Variants in TXNRD1 observed in about 807,000 individuals in gnomAD.
TXNRD1 encodes thioredoxin reductase 1.
TXNRD1 carries 57 observed loss-of-function variants against 80.3 expected under a neutral mutation model. The ratio of observed to expected loss-of-function variants is 0.71; its 90% CI spans 0.57 to 0.89. The LOEUF is 0.89. Ranked by LOEUF, TXNRD1 falls within the 40% of genes least tolerant of loss-of-function variation. TXNRD1 has a pLI of 0.00. For synonymous variants in TXNRD1, 291 were observed against 285.2 expected (o/e 1.02, Z -0.20); for missense variants, 730 against 803.0 (o/e 0.91, Z 1.10).
intron 2 of TXNRD1, among the ~76,000 whole-genome samples, chr12:104,252,662 T>TTA (rs869105935): frequency 0.011 from 496 of 45,766 alleles, 3 homozygotes; most frequent in Non-Finnish European, 0.014. Context: ...TTATTATTTT[T>TTA]TATATATATA....
chr12:104,309,058 C>T lies in TXNRD1; in HGVS notation c.415-2232C>T, dbSNP rs10861189. Among the ~76,000 whole-genome samples, 1,374 of 152,022 alleles carry T rather than the reference C, an allele frequency of 9.0e-3. 22 individuals carry two copies. Among genetic ancestry groups the T allele is most frequent in the African/African-American group, 0.031 (1,294 of 41,446 alleles). On this transcript the variant is annotated intron_variant, in intron 4 of 16. Coordinates refer to ENST00000525566, the MANE Select transcript of TXNRD1 (RefSeq NM_001093771.3). ...GACTACAGGTGCACGCCTCCACGCC[C>T]GGCTAATTTTTTTTGTATTTTGGTA... is the stretch of plus-strand genomic sequence containing the variant.
At chr12:104,260,069 C>T (rs985013108) in intron 3 of TXNRD1, among the ~76,000 whole-genome samples, 2 of 152,240 alleles carry the variant, frequency 1.3e-5, no homozygotes, top group African/African-American at 4.8e-5. Context: ...TGCAGTGGCT[C>T]ACGCCTGTAA....
At chr12:104,323,377 C>T (rs1157281594) in intron 10 of TXNRD1, among the ~76,000 whole-genome samples, 4 of 149,822 alleles carry the variant, frequency 2.7e-5, no homozygotes, top group Admixed American at 1.3e-4. Context: ...CCAGTAGGGG[C>T]GGCCGGGGCG....
In TXNRD1 at chr12:104,350,210, A is replaced by G. The variant is rs372534910; in HGVS notation, c.*1789A>G. 1 of 152,176 alleles carries G rather than the reference A, an allele frequency of 6.6e-6. No individual in the cohort carries two copies. The allele number at this position is 152,176 out of a possible 1,614,324, so 9.4% of individuals were successfully genotyped here. A position where few individuals can be genotyped will look rare whatever the true frequency, so the allele number is the denominator to read the frequency against. On this transcript the variant is annotated 3_prime_UTR_variant, in exon 17 of 17. Coordinates refer to ENST00000525566, the MANE Select transcript of TXNRD1 (RefSeq NM_001093771.3). ...TTTATTGAAACATATACTAAGTTCCATGTATTTTTGTTACAAATCTTCTGA... is the reference window on the plus strand; with the variant it reads ...TTTATTGAAACATATACTAAGTTCCGTGTATTTTTGTTACAAATCTTCTGA...
rs60817773 is a variant in TXNRD1 at position 104,294,233 on chromosome 12, G to GGCCCCCCC, written c.414+5193_414+5194insGCCCCCCC. ...CTTCTCTAAACTCCCCCGGGGAAAG[G>GGCCCCCCC]CCCCCCCCCCCGCCGCCGGCTTTCC... On this transcript the variant is annotated intron_variant, in intron 4 of 16. Transcript: ENST00000525566. 5.8e-5 allele frequency among the ~76,000 whole-genome samples: 4 copies of GGCCCCCCC among 68,910 alleles called. 1 individual carries two copies. Among genetic ancestry groups the GGCCCCCCC allele is most frequent in the African/African-American group, 1.8e-4 (3 of 16,828 alleles). The allele number at this position is 68,910 out of a possible 152,430, so 45.2% of individuals were successfully genotyped here. A position where few individuals can be genotyped will look rare whatever the true frequency, so the allele number is the denominator to read the frequency against.
At chr12:104,309,767 A>G (rs1386056143) in intron 4 of TXNRD1, 1 of 1,530,008 alleles carries the variant, frequency 6.5e-7, no homozygotes, top group East Asian at 2.5e-5. Context: ...AGTGCTTTGT[A>G]TTGAAGGAGG....
intron 3 of TXNRD1, among the ~76,000 whole-genome samples, chr12:104,271,557 C>T (rs2033653004): frequency 6.6e-6 from 1 of 152,116 alleles, no homozygotes; most frequent in African/African-American, 2.4e-5. Flanking sequence ...ATGGATCTCA[C>T]AAAGTACATT....
At chr12:104,236,999 T>C (rs926459445) in intron 1 of TXNRD1, among the ~76,000 whole-genome samples, 6 of 150,026 alleles carry the variant, frequency 4.0e-5, no homozygotes, top group African/African-American at 1.5e-4. Flanking sequence ...ATGGGACTGC[T>C]GGAGAAAAAC....
At chr12:104,228,036 C>T (rs2032515297) in intron 1 of TXNRD1, among the ~76,000 whole-genome samples, 1 of 152,100 alleles carries the variant, frequency 6.6e-6, no homozygotes, top group Non-Finnish European at 1.5e-5. Flanking sequence ...GGTGCAGTGG[C>T]TCACACCCGT....
chr12:104,325,593 G>A (rs1250163194), intron 11 of TXNRD1, among the ~76,000 whole-genome samples, 164 bp downstream of exon 11: 1 of 152,134 alleles, frequency 6.6e-6, no homozygotes, highest in East Asian at 1.9e-4. Flanking sequence ...TGTTTTGGTG[G>A]CCAGGTGTGT....
At position 104,348,386 on chromosome 12, in the gene TXNRD1, G is replaced by A. The variant is rs763152962; in HGVS notation, c.1915G>A (p.Gly639Arg). ...FTTLSVTKRS[G>R]ASILQAGCUG ...AACATTGTCTGTGACCAAGCGCTCT[G>A]GGGCAAGCATCCTCCAGGCTGGCTG... The change falls in exon 17 of 17, where the codon GGG becomes AGG. Residue 639 changes from glycine to arginine, a missense_variant. Physicochemically the swap from Gly to Arg is moderately radical, Grantham distance 125. Coordinates refer to ENST00000525566, the MANE Select transcript of TXNRD1 (RefSeq NM_001093771.3). 6.2e-7 allele frequency: 1 copy of A among 1,614,010 alleles called. No individual in the cohort carries two copies. Among genetic ancestry groups the A allele is most frequent in the Non-Finnish European group, 8.5e-7 (1 of 1,179,894 alleles).
intron 14 of TXNRD1, 79 bp from the exon 15 acceptor site, chr12:104,334,158 T>C: frequency 1.8e-6 from 1 of 566,294 alleles, no homozygotes; most frequent in Admixed American, 4.0e-5. Context: ...AAAGAGTCTC[T>C]ACTGTCTTTC....
intron 4 of TXNRD1, chr12:104,290,912 C>A: frequency 1.7e-6 from 1 of 580,684 alleles, no homozygotes. Context: ...TTTTTATAAG[C>A]TTTGGAACTC....
chr12:104,339,300 A>G (rs2036245574), intron 16 of TXNRD1, 27 bp downstream of exon 16: 1 of 1,612,664 alleles, frequency 6.2e-7, no homozygotes, highest in Non-Finnish European at 8.5e-7. Flanking sequence ...TATACAGTTT[A>G]AAATGTTTAA....
intron 3 of TXNRD1, chr12:104,282,861 CTT>C (rs2033906438): frequency 6.6e-6 from 1 of 152,148 alleles, no homozygotes; most frequent in Non-Finnish European, 1.5e-5. Context: ...ACCTGGCTGA[CTT>C]TTATAATTTT....
intron 2 of TXNRD1, 57 bp downstream of exon 2, chr12:104,251,735 G>T: frequency 6.3e-7 from 1 of 1,580,100 alleles, no homozygotes; most frequent in Non-Finnish European, 8.6e-7. Flanking sequence ...ACAGACTTTT[G>T]AGCTCAAATG....
chr12:104,334,225 G>C lies in TXNRD1; in HGVS notation c.1651-12G>C, dbSNP rs1282990086. The C allele has an allele frequency of 1.4e-6, 2 of 1,470,738 alleles. No individual in the cohort carries two copies. Among genetic ancestry groups the C allele is most frequent in the Admixed American group, 2.5e-5 (1 of 39,312 alleles). The allele number at this position is 1,470,738 out of a possible 1,614,324, so 91.1% of individuals were successfully genotyped here. A position where few individuals can be genotyped will look rare whatever the true frequency, so the allele number is the denominator to read the frequency against. ...AATAATGGGTCTAAATTTTGCTTTTGTATCTTCTTAGGTTTACCATAGTTA... is the reference window on the plus strand; with the variant it reads ...AATAATGGGTCTAAATTTTGCTTTTCTATCTTCTTAGGTTTACCATAGTTA... On this transcript the variant is annotated splice_polypyrimidine_tract_variant and intron_variant, in intron 14 of 16. Coordinates refer to ENST00000525566, the MANE Select transcript of TXNRD1 (RefSeq NM_001093771.3).
chr12:104,229,278 G>C (rs936732919), intron 1 of TXNRD1, among the ~76,000 whole-genome samples: 2 of 150,838 alleles, frequency 1.3e-5, no homozygotes, highest in Non-Finnish European at 2.9e-5. Flanking sequence ...CTCCTCAGTA[G>C]CTGGGACTAC....
intron 16 of TXNRD1, among the ~76,000 whole-genome samples, chr12:104,341,830 T>G (rs1565916522): frequency 6.6e-6 from 1 of 152,228 alleles, no homozygotes; most frequent in Non-Finnish European, 1.5e-5. Context: ...AGCCCAGGCC[T>G]CCTGTACTTC....
Sources: gnomAD v4.1 joint callset for allele counts (sites outside exome capture counted in the v4.1 genomes callset) on GRCh38, gnomAD v4.1.1 for gene constraint, MANE v1.5 for transcripts, NCBI Gene and HGNC (gene_info 2026-07-23, HGNC 2026-07-21) for gene names.